SLC9A7: variants seen among roughly 807,000 people sequenced by gnomAD.
SLC9A7 encodes sodium/hydrogen exchanger 7.
SLC9A7 carries 19 observed loss-of-function variants against 52.6 expected under a neutral mutation model. That is an observed-to-expected ratio of 0.36 (90% CI 0.25 to 0.53). The LOEUF (loss-of-function observed/expected upper bound fraction) is 0.53. Among genes scored for constraint, SLC9A7 ranks in the 20% least tolerant of loss-of-function variants. The pLI is 0.91. For missense variants in SLC9A7, 455 were observed against 597.9 expected, an observed-to-expected ratio of 0.76 and a Z score of 2.49; for synonymous variants, 226 against 252.1, an observed-to-expected ratio of 0.90 and a Z score of 0.98.
chrX:46,755,782 A>G (rs1259584941), intron 1 of SLC9A7, among the ~76,000 whole-genome samples: 1 of 104,379 alleles, frequency 9.6e-6, no homozygotes, highest in Non-Finnish European at 2.0e-5. Context: ...AGATTGCGCT[A>G]CTGCATTCAA....
At chrX:46,678,706 G>A (rs892411555) in intron 3 of SLC9A7, among the ~76,000 whole-genome samples, 5 of 110,568 alleles carry the variant, frequency 4.5e-5, no homozygotes, top group South Asian at 7.6e-4. Flanking sequence ...TGTCTAGCAC[G>A]ATGACCCTCA....
Position 46,648,553 on chromosome X carries a change from C to G in SLC9A7, c.1462+133G>C, listed in dbSNP as rs190125566. ...ACTGAACATGTACATCTGTCTATTT[C>G]TCACTGCAGGGGATACAAACGGACC... On this transcript the variant is annotated intron_variant, in intron 11 of 16. Coordinates refer to ENST00000616978, the MANE Select transcript of SLC9A7 (RefSeq NM_001257291.2). 9 of 484,438 alleles carry G rather than the reference C, an allele frequency of 1.9e-5. No individual in the cohort carries two copies. In the Admixed American group the frequency reaches 2.0e-4, roughly 11 times the overall value. 39.9% of individuals were successfully genotyped at this position (484,438 alleles called of 1,213,427 possible).
intron 1 of SLC9A7, among the ~76,000 whole-genome samples, chrX:46,716,229 G>A (rs2146946887): frequency 9.0e-6 from 1 of 111,627 alleles, no homozygotes; most frequent in Non-Finnish European, 1.9e-5. Flanking sequence ...ATATCATTAA[G>A]GGGATAAGTG....
intron 16 of SLC9A7, among the ~76,000 whole-genome samples, chrX:46,611,687 G>T (rs1431793947): frequency 8.9e-6 from 1 of 112,568 alleles, no homozygotes; most frequent in African/African-American, 3.2e-5. Context: ...CTCTGAGGGG[G>T]CCAAGGAGAG....
At chrX:46,676,874 T>C (rs1270271173) in intron 3 of SLC9A7, among the ~76,000 whole-genome samples, 1 of 111,366 alleles carries the variant, frequency 9.0e-6, no homozygotes, top group East Asian at 2.8e-4. Context: ...AGAACAACTC[T>C]GGGCCCTGGA....
intron 4 of SLC9A7, among the ~76,000 whole-genome samples, chrX:46,671,474 T>G (rs2146842146): frequency 9.1e-6 from 1 of 109,438 alleles, no homozygotes; most frequent in African/African-American, 3.3e-5. Context: ...TTTCACCATG[T>G]TAGCCAGGAT....
chrX:46,665,557 CAA>C (rs754854403), intron 5 of SLC9A7, among the ~76,000 whole-genome samples: 3 of 21,785 alleles, frequency 1.4e-4, no homozygotes, highest in South Asian at 2.6e-3. Flanking sequence ...GACTCCATCT[CAA>C]AAAAAAAAAA....
chrX:46,677,605 G>A lies in SLC9A7; in HGVS notation c.603+2073C>T, dbSNP rs183603329. The stretch of plus-strand genomic sequence containing the variant: ...GTAAAAACAGAAATAAAGAATATCC[G>A]TTCCTAATACACAGCAAATGCTCTG... On this transcript the variant is annotated intron_variant, in intron 3 of 16. Coordinates refer to ENST00000616978, the MANE Select transcript of SLC9A7 (RefSeq NM_001257291.2). Among the ~76,000 whole-genome samples the A allele has an allele frequency of 9.8e-5, 11 of 112,239 alleles. No individual in the cohort carries two copies. In the East Asian group the frequency reaches 2.5e-3, roughly 25 times the overall value.
chrX:46,682,561 A>T (rs1944227440), intron 1 of SLC9A7, 26 bp from the exon 2 acceptor site: 1 of 1,153,715 alleles, frequency 8.7e-7, no homozygotes, highest in African/African-American at 1.8e-5. Context: ...AAAACTCATC[A>T]GGCCTGAGGA....
chrX:46,702,014 A>T (rs1944539500), intron 1 of SLC9A7, among the ~76,000 whole-genome samples: 2 of 111,259 alleles, frequency 1.8e-5, no homozygotes, highest in African/African-American at 6.6e-5. Flanking sequence ...CTGTGCCCTT[A>T]GAGTAGTATT....
rs1173234876 is a variant in SLC9A7 at position 46,751,809 on chromosome X, CA to C, written c.325+6895del. The stretch of plus-strand genomic sequence containing the variant: ...TGCATGACACAGTGAGACCCTGTCT[CA>C]AAAAAAAAGAAGAAAGAAGTTACTG... On this transcript the variant is annotated intron_variant, in intron 1 of 16. Coordinates refer to ENST00000616978, the MANE Select transcript of SLC9A7 (RefSeq NM_001257291.2). Among the ~76,000 whole-genome samples the C allele has an allele frequency of 4.7e-5, 5 of 107,508 alleles. No individual in the cohort carries two copies. The East Asian group carries it at 1.2e-3, about 25-fold the overall frequency. 93.4% of individuals were successfully genotyped at this position (107,508 alleles called of 115,157 possible). A position where few individuals can be genotyped will look rare whatever the true frequency, so the allele number is the denominator to read the frequency against.
intron 1 of SLC9A7, among the ~76,000 whole-genome samples, chrX:46,699,083 T>C (rs1041211915): frequency 1.8e-5 from 2 of 112,158 alleles, no homozygotes; most frequent in Non-Finnish European, 3.8e-5. Context: ...AATGCCCCTC[T>C]TCTTCAACAG....
At chrX:46,626,177 T>G (rs952120594) in intron 14 of SLC9A7, among the ~76,000 whole-genome samples, 9 of 112,617 alleles carry the variant, frequency 8.0e-5, no homozygotes, top group African/African-American at 2.9e-4. Context: ...TTTATTGTTT[T>G]AAGCCACTAA....
chrX:46,641,065 T>C (rs1489835144), intron 12 of SLC9A7, among the ~76,000 whole-genome samples: 1 of 112,694 alleles, frequency 8.9e-6, no homozygotes, highest in Non-Finnish European at 1.9e-5. Context: ...TTTATGCCCA[T>C]GCAAAAACCT....
chrX:46,739,856 C>T (rs768299037), intron 1 of SLC9A7, among the ~76,000 whole-genome samples: 1 of 111,731 alleles, frequency 9.0e-6, no homozygotes, highest in East Asian at 2.8e-4. Flanking sequence ...CTCTTCAGAG[C>T]CATCATAAAC....
chrX:46,721,882 G>A (rs752100965), intron 1 of SLC9A7, among the ~76,000 whole-genome samples: 107 of 112,467 alleles, frequency 9.5e-4, no homozygotes, highest in Non-Finnish European at 5.3e-4. Flanking sequence ...GGCAGTCGGC[G>A]ATGTTTGTCA....
intron 11 of SLC9A7, among the ~76,000 whole-genome samples, chrX:46,644,462 A>T (rs1382763529): frequency 9.0e-6 from 1 of 111,455 alleles, no homozygotes; most frequent in African/African-American, 3.3e-5. Flanking sequence ...ATGGTGAAAC[A>T]CTATCTCTAC....
intron 1 of SLC9A7, among the ~76,000 whole-genome samples, chrX:46,719,460 A>G (rs1944825677): frequency 9.0e-6 from 1 of 111,667 alleles, no homozygotes; most frequent in African/African-American, 3.3e-5. Context: ...AATTTATCCA[A>G]CTGACTAAAA....
chrX:46,655,437 T>C (rs1943662684), intron 7 of SLC9A7, among the ~76,000 whole-genome samples: 1 of 111,710 alleles, frequency 9.0e-6, no homozygotes, highest in African/African-American at 3.3e-5. Flanking sequence ...GACGGGTGAT[T>C]TCTGCATTTC....
Sources: allele counts gnomAD v4.1 joint callset (sites outside exome capture counted in the v4.1 genomes callset), GRCh38; gene constraint gnomAD v4.1.1; transcripts MANE v1.5; gene names NCBI Gene and HGNC (gene_info 2026-07-23, HGNC 2026-07-21).